PITPNM2: variants seen among roughly 807,000 people sequenced by gnomAD.
The protein encoded by PITPNM2 is phosphatidylinositol transfer protein membrane associated 2.
In PITPNM2, 35 loss-of-function variants were observed where a neutral mutation model predicts 132.2. The ratio of observed to expected loss-of-function variants is 0.26; its 90% CI spans 0.20 to 0.35. PITPNM2 has a LOEUF of 0.35. Ranked by LOEUF, PITPNM2 falls within the 10% of genes least tolerant of loss-of-function variation. The pLI is 1.00. For synonymous variants in PITPNM2, 738 were observed against 799.2 expected (o/e 0.92, Z 1.29); for missense variants, 1,332 against 1,912.0 (o/e 0.70, Z 5.66).
At chr12:122,997,894 A>C (rs2038498903) in intron 10 of PITPNM2, among the ~76,000 whole-genome samples, 1 of 152,186 alleles carries the variant, frequency 6.6e-6, no homozygotes, top group South Asian at 2.1e-4. Flanking sequence ...CTTTGAGAGC[A>C]TGAGCTCTGC....
intron 1 of PITPNM2, among the ~76,000 whole-genome samples, chr12:123,130,149 C>A (rs1413924561): frequency 2.0e-5 from 3 of 152,106 alleles, no homozygotes; most frequent in African/African-American, 7.2e-5. Context: ...GTGTCACACA[C>A]AGGGCACAGT....
chr12:123,014,690 A>G (rs533761900), intron 3 of PITPNM2, among the ~76,000 whole-genome samples: 5 of 152,248 alleles, frequency 3.3e-5, no homozygotes, highest in Non-Finnish European at 7.3e-5. Flanking sequence ...TGACAAAGTG[A>G]GACTCTGTCT....
At chr12:123,103,808 C>T (rs1214614468) in intron 2 of PITPNM2, among the ~76,000 whole-genome samples, 1 of 152,214 alleles carries the variant, frequency 6.6e-6, no homozygotes, top group African/African-American at 2.4e-5. Flanking sequence ...CTTCTTGCAT[C>T]TCTCCAAGTC....
chr12:123,068,276 G>C (rs757730493), intron 2 of PITPNM2, among the ~76,000 whole-genome samples: 1 of 152,066 alleles, frequency 6.6e-6, no homozygotes, highest in Non-Finnish European at 1.5e-5. Flanking sequence ...GAACATCCTG[G>C]CTAACACGGT....
At chr12:123,130,011 C>G (rs2043228241) in intron 1 of PITPNM2, among the ~76,000 whole-genome samples, 1 of 151,626 alleles carries the variant, frequency 6.6e-6, no homozygotes. Flanking sequence ...CTCAAGTGAT[C>G]CTCCCGCCTT....
At position 122,990,152 on chromosome 12, in the gene PITPNM2, C is replaced by G. The variant is rs571832832; in HGVS notation, c.2570-204G>C. Among the ~76,000 whole-genome samples the G allele has an allele frequency of 1.2e-4, 18 of 152,336 alleles. 1 individual carries two copies. Among genetic ancestry groups the G allele is most frequent in the Admixed American group, 1.2e-3 (18 of 15,310 alleles). On this transcript the variant is annotated intron_variant, in intron 17 of 25. Coordinates refer to ENST00000320201, the MANE Select transcript of PITPNM2 (RefSeq NM_020845.3). ...TGCATGGCCACCCTGACCACAGCTG[C>G]GAGAATCCCTGGCCCAGCACGGGGC...
rs571288606 is a variant in PITPNM2, at chr12:123,023,016, C to T, written c.79-8974G>A. Among the ~76,000 whole-genome samples, 20 of 152,372 alleles carry T rather than the reference C, an allele frequency of 1.3e-4. No individual in the cohort carries two copies. The highest frequency in any genetic ancestry group is 4.6e-4 in the African/African-American group (19 of 41,594). ...TGCCACAGGGGCATGACTCTGTCTC[C>T]TGGCTGGGCCAGCAGCTTCTCCTGC... On this transcript the variant is annotated intron_variant, in intron 3 of 25. Coordinates refer to ENST00000320201, the MANE Select transcript of PITPNM2 (RefSeq NM_020845.3). This position sits in a 1 kb window ranked among gnomAD's most constrained non-coding sequence, Gnocchi z 4.8.
In PITPNM2 at chr12:123,036,584, T is replaced by C. The variant is rs1218225276; in HGVS notation, c.-95-1899A>G. Among the ~76,000 whole-genome samples, 1 of 152,218 alleles carries C rather than the reference T, an allele frequency of 6.6e-6. No individual in the cohort carries two copies. Among genetic ancestry groups the C allele is most frequent in the Non-Finnish European group, 1.5e-5 (1 of 68,046 alleles). On this transcript the variant is annotated intron_variant, in intron 2 of 25. Transcript: ENST00000320201. The surrounding 1 kb of genome is among the most constrained non-coding windows in gnomAD (Gnocchi z 4.1). ...ATATAGTCCAAGTGAAGCTCTTTTT[T>C]AGCCGATTAGAGCCTAGATACTTTA...
At chr12:123,084,830 A>G (rs1299688689) in intron 2 of PITPNM2, 2 of 152,198 alleles carry the variant, frequency 1.3e-5, no homozygotes, top group African/African-American at 4.8e-5. Flanking sequence ...GCTTTCAGAG[A>G]CCATGTGACC....
In PITPNM2 at chr12:123,036,569, A is replaced by G. The variant is rs2040275090; in HGVS notation, c.-95-1884T>C. ...ATCCAGTTGCTTTAAATATAGTCCAAGTGAAGCTCTTTTTTAGCCGATTAG... is the reference window on the plus strand; with the variant it reads ...ATCCAGTTGCTTTAAATATAGTCCAGGTGAAGCTCTTTTTTAGCCGATTAG... On this transcript the variant is annotated intron_variant, in intron 2 of 25. Coordinates refer to ENST00000320201, the MANE Select transcript of PITPNM2 (RefSeq NM_020845.3). This position sits in a 1 kb window ranked among gnomAD's most constrained non-coding sequence, Gnocchi z 4.1. Among the ~76,000 whole-genome samples, 2 of 152,202 alleles carry G rather than the reference A, an allele frequency of 1.3e-5. No homozygotes were observed. Among genetic ancestry groups the G allele is most frequent in the African/African-American group, 2.4e-5 (1 of 41,450 alleles).
In PITPNM2 at chr12:123,151,074, C is replaced by A. The variant is rs1469401982; in HGVS notation, c.-521G>T. ...CCGCGGCGCCGCGGTGCCCCGCGCA[C>A]CCCAGCGGCCGCTGCTGCCCGCGCG... is the stretch of plus-strand genomic sequence containing the variant. On this transcript the variant is annotated 5_prime_UTR_variant, in exon 1 of 26. Coordinates refer to ENST00000320201, the MANE Select transcript of PITPNM2 (RefSeq NM_020845.3). 6.9e-6 allele frequency among the ~76,000 whole-genome samples: 1 copy of A among 145,926 alleles called. No individual in the cohort carries two copies. The highest frequency in any genetic ancestry group is 1.5e-5 in the Non-Finnish European group (1 of 65,660).
In PITPNM2 at chr12:122,990,600, G is replaced by A. The variant is rs748847625; in HGVS notation, c.2514C>T (p.Ile838=). 3.7e-6 allele frequency: 6 copies of A among 1,612,616 alleles called. No individual in the cohort carries two copies. Among genetic ancestry groups the A allele is most frequent in the South Asian group, 2.2e-5 (2 of 91,076 alleles). The change falls in exon 17 of 26, where the codon ATC becomes ATT. Residue 838 remains isoleucine, a synonymous_variant. Transcript: ENST00000320201. ...RGFRRASEIS[I]ASQVSGMAES... is the part of the protein sequence containing the mutation. ...CAGCCATGCCTGACACCTGGCTGGCGATGCTGATCTCACTGGCTCGGCGGA... is the reference window on the plus strand; with the variant it reads ...CAGCCATGCCTGACACCTGGCTGGCAATGCTGATCTCACTGGCTCGGCGGA...
chr12:123,116,647 CAAAAAAAA>C (rs5801499), intron 1 of PITPNM2, among the ~76,000 whole-genome samples: 1 of 107,902 alleles, frequency 9.3e-6, no homozygotes, highest in Non-Finnish European at 1.9e-5. Context: ...GACCTTGTTT[CAAAAAAAA>C]AAAAAAAAAA....
In PITPNM2 at chr12:123,108,312, C is replaced by T. The variant is rs2042763611; in HGVS notation, c.-96+2073G>A. 6.6e-6 allele frequency among the ~76,000 whole-genome samples: 1 copy of T among 152,164 alleles called. No individual in the cohort carries two copies. The highest frequency in any genetic ancestry group is 2.4e-5 in the African/African-American group (1 of 41,432). On this transcript the variant is annotated intron_variant, in intron 2 of 25. Transcript: ENST00000320201. This position sits in a 1 kb window ranked among gnomAD's most constrained non-coding sequence, Gnocchi z 4.4. ...GAGGTGAGCTGCAAGGCCATGGTCT[C>T]TGCAAAGCCACTGCACTCTGGAATG...
chr12:123,028,849 C>T (rs1249278415), intron 3 of PITPNM2, among the ~76,000 whole-genome samples: 1 of 152,066 alleles, frequency 6.6e-6, no homozygotes, highest in South Asian at 2.1e-4. Context: ...GAGGAAGCTG[C>T]CTGGAAGAGG....
intron 1 of PITPNM2, among the ~76,000 whole-genome samples, chr12:123,122,108 C>T (rs551971125): frequency 1.3e-5 from 2 of 152,306 alleles, no homozygotes; most frequent in South Asian, 2.1e-4. Flanking sequence ...GAACTCTGTA[C>T]CTATCAAATA....
intron 1 of PITPNM2, among the ~76,000 whole-genome samples, chr12:123,120,141 C>T (rs1033154844): frequency 1.3e-5 from 2 of 152,124 alleles, no homozygotes; most frequent in East Asian, 1.9e-4. Context: ...AATATGAACC[C>T]GCAGATTTAA....
intron 1 of PITPNM2, among the ~76,000 whole-genome samples, chr12:123,147,406 C>T (rs2137724061): frequency 6.6e-6 from 1 of 152,264 alleles, no homozygotes; most frequent in Middle Eastern, 3.4e-3. Flanking sequence ...CCTGAAACTC[C>T]TAGGCTAAAG....
At chr12:123,070,782 C>T (rs1043219923) in intron 2 of PITPNM2, among the ~76,000 whole-genome samples, 1 of 152,248 alleles carries the variant, frequency 6.6e-6, no homozygotes, top group Non-Finnish European at 1.5e-5. Context: ...ACCGGTTCTT[C>T]AGACCAGGCT....
Sources: allele counts gnomAD v4.1 joint callset (sites outside exome capture counted in the v4.1 genomes callset), GRCh38; gene constraint gnomAD v4.1.1; non-coding constraint Gnocchi (gnomAD v3.1); transcripts MANE v1.5; gene names NCBI Gene and HGNC (gene_info 2026-07-23, HGNC 2026-07-21).